TTLL11: variants seen among roughly 807,000 people sequenced by gnomAD.
TTLL11 encodes tubulin tyrosine ligase like 11.
A neutral mutation model predicts 51.7 loss-of-function variants in TTLL11; 42 were observed. The ratio of observed to expected loss-of-function variants is 0.81; its 90% CI spans 0.64 to 1.05. TTLL11 has a LOEUF of 1.05. Among genes scored for constraint, TTLL11 ranks in the 50% least tolerant of loss-of-function variants. TTLL11 has a pLI of 0.00. For missense variants in TTLL11, 799 were observed against 940.4 expected (o/e 0.85, Z 1.97); for synonymous variants, 381 against 383.5 (o/e 0.99, Z 0.08).
At chr9:122,039,165 G>A in intron 2 of TTLL11, 107 bp downstream of exon 2, 1 of 899,048 alleles carries the variant, frequency 1.1e-6, no homozygotes, top group Non-Finnish European at 1.7e-6. Flanking sequence ...TCCCAATTAA[G>A]AGTCCTCAAA....
At chr9:121,828,110 C>T (rs115315137) in intron 8 of TTLL11, among the ~76,000 whole-genome samples, 2,669 of 152,196 alleles carry the variant, frequency 0.018, 64 homozygotes, top group African/African-American at 0.059. Flanking sequence ...GCGGAATGAC[C>T]TTCCACCCTT....
intron 1 of TTLL11, among the ~76,000 whole-genome samples, chr9:122,049,094 T>C (rs1845093330): frequency 6.6e-6 from 1 of 151,732 alleles, no homozygotes; most frequent in African/African-American, 2.4e-5. Flanking sequence ...CTAGTTGTTC[T>C]CAGATACCAG....
chr9:121,889,081 T>C (rs1440841607), intron 6 of TTLL11, among the ~76,000 whole-genome samples: 1 of 152,254 alleles, frequency 6.6e-6, no homozygotes, highest in Non-Finnish European at 1.5e-5. Context: ...ATCTAATACA[T>C]CGTGAGTTTA....
intron 6 of TTLL11, among the ~76,000 whole-genome samples, chr9:121,907,115 C>T (rs572463696): frequency 6.8e-4 from 103 of 152,142 alleles, no homozygotes; most frequent in Non-Finnish European, 1.2e-3. Flanking sequence ...TTCTTTATGC[C>T]CATGTTCGTC....
chr9:122,088,656 A>T (rs1460266890), intron 1 of TTLL11, among the ~76,000 whole-genome samples: 1 of 152,228 alleles, frequency 6.6e-6, no homozygotes, highest in African/African-American at 2.4e-5. Flanking sequence ...AGTAAGAGCT[A>T]TATAAAGATT....
At chr9:122,082,251 C>T (rs1259976663) in intron 1 of TTLL11, among the ~76,000 whole-genome samples, 1 of 152,200 alleles carries the variant, frequency 6.6e-6, no homozygotes, top group Non-Finnish European at 1.5e-5. Flanking sequence ...CGCCTGTAAT[C>T]CCAACACTTT....
intron 3 of TTLL11, among the ~76,000 whole-genome samples, chr9:122,015,572 T>C (rs1033857549): frequency 6.6e-6 from 1 of 152,128 alleles, no homozygotes; most frequent in African/African-American, 2.4e-5. Context: ...GCATTCTCCA[T>C]GTTACTTCCC....
intron 1 of TTLL11, 133 bp downstream of exon 1, chr9:122,092,554 A>C: frequency 6.9e-7 from 1 of 1,444,368 alleles, no homozygotes; most frequent in Non-Finnish European, 9.1e-7. Context: ...TGCGGCTGAC[A>C]AGCAGGCCCG....
intron 6 of TTLL11, among the ~76,000 whole-genome samples, chr9:121,925,968 C>T (rs942700358): frequency 2.0e-5 from 3 of 152,210 alleles, no homozygotes; most frequent in African/African-American, 7.2e-5. Flanking sequence ...TCTTGTGCCA[C>T]GGGAGCTCTG....
intron 8 of TTLL11, among the ~76,000 whole-genome samples, chr9:121,845,422 G>C (rs1008035329): frequency 6.6e-6 from 1 of 152,084 alleles, no homozygotes; most frequent in African/African-American, 2.4e-5. Context: ...AAATTTCAGA[G>C]AACAGAAAAA....
chr9:122,029,344 G>A (rs1264669784), intron 3 of TTLL11, among the ~76,000 whole-genome samples: 1 of 152,126 alleles, frequency 6.6e-6, no homozygotes, highest in Non-Finnish European at 1.5e-5. Flanking sequence ...AGAAAGCACT[G>A]TTATCATAGG....
intron 6 of TTLL11, among the ~76,000 whole-genome samples, chr9:121,893,746 T>C (rs1297358157): frequency 6.6e-6 from 1 of 152,124 alleles, no homozygotes; most frequent in Non-Finnish European, 1.5e-5. Flanking sequence ...CCCACTTACG[T>C]CTACTCAATG....
At chr9:121,985,735 T>A (rs1437642963) in intron 4 of TTLL11, among the ~76,000 whole-genome samples, 4 of 152,042 alleles carry the variant, frequency 2.6e-5, no homozygotes, top group African/African-American at 9.7e-5. Flanking sequence ...TTAGCCAGGA[T>A]GGACTCGATC....
At chr9:121,867,215 G>A (rs556102894) in intron 7 of TTLL11, among the ~76,000 whole-genome samples, 1 of 152,288 alleles carries the variant, frequency 6.6e-6, no homozygotes, top group East Asian at 1.9e-4. Flanking sequence ...AATCCACAGT[G>A]TTTAAAATTA....
chr9:121,902,861 C>G (rs1839820959), intron 6 of TTLL11, among the ~76,000 whole-genome samples: 1 of 152,114 alleles, frequency 6.6e-6, no homozygotes, highest in South Asian at 2.1e-4. Flanking sequence ...AACTCTAGAG[C>G]CTTTTCTGCT....
intron 5 of TTLL11, 21 bp from the exon 6 acceptor site, chr9:121,974,145 G>T (rs1478466277): frequency 6.5e-7 from 1 of 1,528,258 alleles, no homozygotes; most frequent in African/African-American, 1.4e-5. Flanking sequence ...TAAGGATTCT[G>T]TGTCACAGTG....
intron 6 of TTLL11, among the ~76,000 whole-genome samples, chr9:121,948,791 T>A (rs977693171): frequency 2.6e-5 from 4 of 152,182 alleles, no homozygotes; most frequent in Admixed American, 1.3e-4. Context: ...TGGGTGACAT[T>A]GCATGGCTAC....
In TTLL11 at chr9:121,942,738, A is replaced by ATT. The variant is rs34352222; in HGVS notation, c.1481+31269_1481+31270dup. ...CCTCCTCACGTTTCTAATCTGTCTT[A>ATT]TTTTTTTTTTTTTTTTTTTTTTTGC... On this transcript the variant is annotated intron_variant, in intron 6 of 8. Coordinates refer to ENST00000321582, the MANE Select transcript of TTLL11 (RefSeq NM_001139442.2). Among the ~76,000 whole-genome samples, 424 of 97,854 alleles carry ATT rather than the reference A, an allele frequency of 4.3e-3. 7 individuals carry two copies. Among genetic ancestry groups the ATT allele is most frequent in the Non-Finnish European group, 6.1e-3 (292 of 47,896 alleles). 64.2% of individuals were successfully genotyped at this position (97,854 alleles called of 152,430 possible). A position where few individuals can be genotyped will look rare whatever the true frequency, so the allele number is the denominator to read the frequency against.
chr9:122,021,453 T>C (rs1844178647), intron 3 of TTLL11, among the ~76,000 whole-genome samples: 1 of 152,182 alleles, frequency 6.6e-6, no homozygotes, highest in African/African-American at 2.4e-5. Context: ...AAGGCCAAAC[T>C]ACCTGAAAAA....
Sources: gnomAD v4.1 joint callset for allele counts (sites outside exome capture counted in the v4.1 genomes callset) on GRCh38, gnomAD v4.1.1 for gene constraint, MANE v1.5 for transcripts, NCBI Gene and HGNC (gene_info 2026-07-23, HGNC 2026-07-21) for gene names.